The following PTPN4 variants were observed in gnomAD, a reference collection of about 807,000 sequenced individuals.
The protein encoded by PTPN4 is tyrosine-protein phosphatase non-receptor type 4.
Under a neutral mutation model 135.5 loss-of-function variants are expected in PTPN4, and 49 were observed. The ratio of observed to expected loss-of-function variants is 0.36; its 90% confidence interval spans 0.29 to 0.46. PTPN4 has a LOEUF of 0.46. Among genes scored for constraint, PTPN4 ranks in the 20% least tolerant of loss-of-function variants. The pLI is 1.00. For missense variants in PTPN4, 860 were observed against 1,101.0 expected, an observed-to-expected ratio of 0.78 and a Z score of 3.10; for synonymous variants, 333 against 369.9, an observed-to-expected ratio of 0.90 and a Z score of 1.14.
chr2:119,867,158 C>A (rs984161922), intron 3 of PTPN4, among the ~76,000 whole-genome samples: 2 of 152,062 alleles, frequency 1.3e-5, no homozygotes, highest in East Asian at 3.8e-4. Context: ...TACATGATAT[C>A]ATGAAAAGCC....
intron 2 of PTPN4, among the ~76,000 whole-genome samples, chr2:119,842,876 A>G (rs528697149): frequency 3.3e-5 from 5 of 150,574 alleles, no homozygotes; most frequent in Non-Finnish European, 3.0e-5. Context: ...GTGTGTGTGT[A>G]TTTGCATGGA....
chr2:119,915,316 T>C (rs1429566090), intron 11 of PTPN4, 74 bp downstream of exon 11: 4 of 1,237,226 alleles, frequency 3.2e-6, no homozygotes, highest in Non-Finnish European at 4.4e-6. Context: ...AGAACTTTTC[T>C]ATTATTAGTA....
intron 2 of PTPN4, among the ~76,000 whole-genome samples, chr2:119,839,658 A>G (rs1025003835): frequency 6.6e-6 from 1 of 152,246 alleles, no homozygotes; most frequent in Non-Finnish European, 1.5e-5. Context: ...AGTATTTCTT[A>G]TAATTAGAGG....
intron 3 of PTPN4, among the ~76,000 whole-genome samples, chr2:119,864,333 G>C (rs552923504): frequency 6.6e-6 from 1 of 152,162 alleles, no homozygotes; most frequent in South Asian, 2.1e-4. Context: ...TTCTTGCCCT[G>C]ATCATTTAAA....
intron 9 of PTPN4, among the ~76,000 whole-genome samples, chr2:119,890,041 A>G (rs1346419784): frequency 6.6e-6 from 1 of 152,106 alleles, no homozygotes; most frequent in Admixed American, 6.5e-5. Flanking sequence ...ATTTGATCTA[A>G]TGTTCAGTTT....
At chr2:119,961,125 T>G (rs1392177538) in intron 23 of PTPN4, among the ~76,000 whole-genome samples, 172 bp downstream of exon 23, 1 of 152,252 alleles carries the variant, frequency 6.6e-6, no homozygotes, top group Non-Finnish European at 1.5e-5. Flanking sequence ...GACTAACACA[T>G]AAATAAATGT....
intron 1 of PTPN4, among the ~76,000 whole-genome samples, chr2:119,763,389 AGAGGGG>A (rs1690544795): frequency 6.6e-6 from 1 of 152,214 alleles, no homozygotes; most frequent in Non-Finnish European, 1.5e-5. Context: ...AAAAGGACCC[AGAGGGG>A]AAGAGTGTTA....
chr2:119,904,174 T>C (rs960559543), intron 10 of PTPN4, among the ~76,000 whole-genome samples: 3 of 150,936 alleles, frequency 2.0e-5, no homozygotes, highest in African/African-American at 7.3e-5. Context: ...TACAGAGATA[T>C]CAAGAAAACC....
At chr2:119,907,443 T>A (rs200976591) in intron 10 of PTPN4, among the ~76,000 whole-genome samples, 2 of 145,880 alleles carry the variant, frequency 1.4e-5, no homozygotes, top group East Asian at 2.1e-4. Flanking sequence ...CTATAAAAAA[T>A]ATTTTTAAAA....
At chr2:119,813,571 G>A (rs1283577702) in intron 2 of PTPN4, among the ~76,000 whole-genome samples, 8 of 152,052 alleles carry the variant, frequency 5.3e-5, no homozygotes, top group Admixed American at 4.6e-4. Flanking sequence ...CTAAGGGTGA[G>A]CATCTTTAGA....
chr2:119,975,305 A>G (rs1036814992), intron 26 of PTPN4, among the ~76,000 whole-genome samples: 3 of 152,168 alleles, frequency 2.0e-5, no homozygotes, highest in South Asian at 2.1e-4. Context: ...TTGTAGACAC[A>G]GGGTCTTGCT....
At chr2:119,947,465 G>A (rs975625919) in intron 18 of PTPN4, among the ~76,000 whole-genome samples, 3 of 152,106 alleles carry the variant, frequency 2.0e-5, no homozygotes, top group Non-Finnish European at 4.4e-5. Context: ...AATACCCCTG[G>A]CATGAGCATA....
At chr2:119,883,036 A>T (rs1373270589) in intron 8 of PTPN4, among the ~76,000 whole-genome samples, 2 of 152,140 alleles carry the variant, frequency 1.3e-5, no homozygotes, top group Non-Finnish European at 1.5e-5. Context: ...TTTTTAAAAA[A>T]TATTTCTTTA....
chr2:119,976,498 T>C (rs1432860528), intron 26 of PTPN4, among the ~76,000 whole-genome samples: 1 of 152,168 alleles, frequency 6.6e-6, no homozygotes, highest in Non-Finnish European at 1.5e-5. Flanking sequence ...TCCCTTTTCT[T>C]CCCGACTAGC....
chr2:119,958,661 T>C (rs1679323947), intron 22 of PTPN4, among the ~76,000 whole-genome samples: 1 of 152,218 alleles, frequency 6.6e-6, no homozygotes. Flanking sequence ...AATCATTGCT[T>C]CTAGGGAAAA....
chr2:119,897,092 G>A (rs1047864938), intron 9 of PTPN4, among the ~76,000 whole-genome samples: 5 of 151,894 alleles, frequency 3.3e-5, no homozygotes, highest in African/African-American at 1.2e-4. Context: ...GCTAATTTTT[G>A]TTTTTTGTTT....
chr2:119,877,597 T>A (rs1466472879), intron 5 of PTPN4, 55 bp downstream of exon 5: 4 of 1,539,980 alleles, frequency 2.6e-6, no homozygotes, highest in Non-Finnish European at 3.5e-6. Context: ...TAATATGAAA[T>A]TTTGAAATTA....
chr2:119,955,508 T>G (rs1318597542), intron 20 of PTPN4, among the ~76,000 whole-genome samples, 185 bp downstream of exon 20: 3 of 152,252 alleles, frequency 2.0e-5, no homozygotes, highest in African/African-American at 7.2e-5. Flanking sequence ...TAGCTATGGT[T>G]ATATAAATAG....
chr2:119,931,427 TTC>T, intron 13 of PTPN4, among the ~76,000 whole-genome samples: 1 of 149,194 alleles, frequency 6.7e-6, no homozygotes, highest in South Asian at 2.1e-4. Context: ...CTTTCTTTCT[TTC>T]TTTCTTTTTT....
Sources: gnomAD v4.1 joint callset for allele counts (sites outside exome capture counted in the v4.1 genomes callset) on GRCh38, gnomAD v4.1.1 for gene constraint, MANE v1.5 for transcripts, NCBI Gene and HGNC (gene_info 2026-07-23, HGNC 2026-07-21) for gene names.